VRK2: variants seen among roughly 807,000 people sequenced by gnomAD.
The protein encoded by VRK2 is VRK serine/threonine kinase 2.
A neutral mutation model predicts 57.6 loss-of-function variants in VRK2; 60 were observed. The observed-to-expected ratio is 1.04, with a 90% confidence interval of 0.85 to 1.29. The LOEUF (loss-of-function observed/expected upper bound fraction) is 1.29. VRK2 is among the 50% of genes most tolerant of loss of function. VRK2 has a pLI of 0.00. For synonymous variants in VRK2, 231 were observed against 199.2 expected (o/e 1.16, Z -1.35); for missense variants, 705 against 588.1 (o/e 1.20, Z -2.06).
At chr2:57,927,195 G>A (rs1670568063) in intron 1 of VRK2, among the ~76,000 whole-genome samples, 1 of 150,688 alleles carries the variant, frequency 6.6e-6, no homozygotes, top group Admixed American at 6.6e-5. Flanking sequence ...TGAACTTTTT[G>A]TTGTTTCTAT....
At chr2:58,131,957 A>G (rs1679262672) in intron 9 of VRK2, 29 bp downstream of exon 9, 1 of 1,613,470 alleles carries the variant, frequency 6.2e-7, no homozygotes, top group Middle Eastern at 1.7e-4. Context: ...TTCATCATGT[A>G]CTGCACCAGG....
At chr2:57,918,417 G>A (rs138330526) in intron 1 of VRK2, among the ~76,000 whole-genome samples, 1 of 152,078 alleles carries the variant, frequency 6.6e-6, no homozygotes, top group Admixed American at 6.5e-5. Context: ...AGTTACCCTG[G>A]CATATGGCTC....
chr2:58,142,324 G>T (rs895377363), intron 11 of VRK2, among the ~76,000 whole-genome samples: 1 of 141,606 alleles, frequency 7.1e-6, no homozygotes, highest in Non-Finnish European at 1.6e-5. Context: ...AAAAGAAAAA[G>T]TTTTTTTTTT....
chr2:58,114,382 A>C (rs58984910), intron 7 of VRK2, among the ~76,000 whole-genome samples: 3,797 of 152,062 alleles, frequency 0.025, 122 homozygotes, highest in African/African-American at 0.087. Flanking sequence ...AGTAGTTGAG[A>C]ATGGTGAATA....
At chr2:58,062,910 C>A (rs542581128) in intron 2 of VRK2, among the ~76,000 whole-genome samples, 1 of 152,196 alleles carries the variant, frequency 6.6e-6, no homozygotes, top group South Asian at 2.1e-4. Context: ...GTAAATGAAA[C>A]AGCCTTCTAT....
chr2:58,035,658 C>G (rs1216113412), intron 3 of VRK2, among the ~76,000 whole-genome samples: 3 of 151,986 alleles, frequency 2.0e-5, no homozygotes, highest in Admixed American at 1.3e-4. Context: ...CCAATCAATT[C>G]AACATTGCTA....
At chr2:58,064,679 G>T (rs555872651) in intron 2 of VRK2, among the ~76,000 whole-genome samples, 1 of 151,998 alleles carries the variant, frequency 6.6e-6, no homozygotes, top group African/African-American at 2.4e-5. Context: ...AGGATTCCAA[G>T]AAACATTCCA....
rs571093823 is a variant in VRK2 at position 57,938,272 on chromosome 2, C to T, written c.-439+30433C>T. ...ATAATAATGTTCAATAAATGTTAAT[C>T]GATAATATATATTAATTTTATGTTA... is the stretch of plus-strand genomic sequence containing the variant. On this transcript the variant is annotated intron_variant, in intron 1 of 15. Coordinates refer to the VRK2 transcript ENST00000417641. 2.6e-5 allele frequency among the ~76,000 whole-genome samples: 4 copies of T among 152,138 alleles called. No individual in the cohort carries two copies. The South Asian group carries it at 6.2e-4, about 24-fold the overall frequency.
At chr2:58,048,554 A>C in intron 1 of VRK2, 2 of 1,385,348 alleles carry the variant, frequency 1.4e-6, no homozygotes, top group South Asian at 2.4e-5. Context: ...AATATGTGCT[A>C]TAGAACCCCG....
At chr2:57,910,212 T>A (rs1669944772) in intron 1 of VRK2, among the ~76,000 whole-genome samples, 1 of 152,128 alleles carries the variant, frequency 6.6e-6, no homozygotes, top group African/African-American at 2.4e-5. Context: ...ATGCCAGAGC[T>A]GTAACAGCTC....
intron 11 of VRK2, among the ~76,000 whole-genome samples, chr2:58,141,442 A>G (rs1421379739): frequency 6.6e-6 from 1 of 151,960 alleles, no homozygotes; most frequent in African/African-American, 2.4e-5. Context: ...ACTTTTTCCA[A>G]TGAGCCTCCA....
At chr2:58,106,414 G>T (rs1573133223) in intron 7 of VRK2, among the ~76,000 whole-genome samples, 1 of 151,950 alleles carries the variant, frequency 6.6e-6, no homozygotes, top group African/African-American at 2.4e-5. Context: ...AGATCATGAG[G>T]TCAAAATGCT....
chr2:57,969,975 A>G (rs1672043612), intron 1 of VRK2, among the ~76,000 whole-genome samples: 1 of 151,392 alleles, frequency 6.6e-6, no homozygotes, highest in Non-Finnish European at 1.5e-5. Context: ...CCCGTAACCT[A>G]TTTTTTTCAT....
chr2:58,004,894 G>A (rs1007153062), intron 1 of VRK2, among the ~76,000 whole-genome samples: 7 of 152,106 alleles, frequency 4.6e-5, no homozygotes, highest in East Asian at 1.9e-4. Flanking sequence ...ATTTGAAACT[G>A]TATTAAATAA....
In VRK2 at chr2:58,109,603, TGAAAAGCCCCTTATAAAACCATCA is replaced by T. The variant is rs1194905636; in HGVS notation, c.544-13495_544-13472del. 3.3e-5 allele frequency among the ~76,000 whole-genome samples: 5 copies of T among 152,094 alleles called. No homozygotes were observed. The East Asian group carries it at 9.6e-4, about 29-fold the overall frequency. On this transcript the variant is annotated intron_variant, in intron 7 of 12. Transcript: ENST00000340157. Reference sequence around the variant, plus strand: ...AAGAGAGAAGTGCTGAGGGAAAGGGTGAAAAGCCCCTTATAAAACCATCAGATCTCAGGAGAATTCACTCACTAT... The same window carrying T: ...AAGAGAGAAGTGCTGAGGGAAAGGGTGATCTCAGGAGAATTCACTCACTAT...
chr2:57,937,999 T>C (rs1390930970), intron 1 of VRK2, among the ~76,000 whole-genome samples: 1 of 151,966 alleles, frequency 6.6e-6, no homozygotes, highest in African/African-American at 2.4e-5. Context: ...ACCCAGCTAA[T>C]TTTTGTATTT....
At chr2:57,952,109 T>C (rs909299789) in intron 1 of VRK2, among the ~76,000 whole-genome samples, 1 of 151,802 alleles carries the variant, frequency 6.6e-6, no homozygotes, top group Admixed American at 6.6e-5. Flanking sequence ...CCTTAATTTA[T>C]ATTTATAGAG....
intron 9 of VRK2, among the ~76,000 whole-genome samples, chr2:58,134,339 C>A (rs560039225): frequency 2.0e-5 from 3 of 152,134 alleles, no homozygotes. Context: ...GGGCCGGGCG[C>A]GGTGGCTCAC....
intron 1 of VRK2, among the ~76,000 whole-genome samples, chr2:58,010,976 A>G (rs190217415): frequency 6.6e-6 from 1 of 152,274 alleles, no homozygotes; most frequent in Non-Finnish European, 1.5e-5. Context: ...GTGACTCTAC[A>G]AGTGTTCTGT....
Sources: allele counts gnomAD v4.1 joint callset (sites outside exome capture counted in the v4.1 genomes callset), GRCh38; gene constraint gnomAD v4.1.1; transcripts MANE v1.5; gene names NCBI Gene and HGNC (gene_info 2026-07-23, HGNC 2026-07-21).